ABCA10: variants seen among roughly 807,000 people sequenced by gnomAD.
ABCA10 encodes ATP-binding cassette sub-family A member 10.
A neutral mutation model predicts 187.5 loss-of-function variants in ABCA10; 169 were observed. The ratio of observed to expected loss-of-function variants is 0.90; its 90% CI spans 0.80 to 1.02. The LOEUF is 1.02. Among genes scored for constraint, ABCA10 ranks in the 50% least tolerant of loss-of-function variants. The probability of loss-of-function intolerance (pLI) is 0.00; values close to 1 mark genes in which losing one functional copy is unlikely to be tolerated. For missense variants in ABCA10, 1,727 were observed against 1,812.4 expected (o/e 0.95, Z 0.86); for synonymous variants, 574 against 601.8 (o/e 0.95, Z 0.68).
chr17:69,154,050 G>A (rs750541228), intron 31 of ABCA10, 41 bp from the exon 32 acceptor site: 3 of 1,593,794 alleles, frequency 1.9e-6, no homozygotes, highest in South Asian at 1.1e-5. Context: ...TTTGGTTTTT[G>A]CTCCAATCCC....
At chr17:69,177,973 A>ATATATATATATATATGTT (rs68149070) in intron 22 of ABCA10, among the ~76,000 whole-genome samples, 5 of 49,974 alleles carry the variant, frequency 1.0e-4, no homozygotes, top group Non-Finnish European at 2.2e-4. Context: ...AAAAAAAAAA[A>ATATATATATATATATGTT]ATATATATAT....
chr17:69,212,166 A>G (rs1221558225), intron 9 of ABCA10, among the ~76,000 whole-genome samples: 2 of 152,102 alleles, frequency 1.3e-5, no homozygotes, highest in African/African-American at 4.8e-5. Flanking sequence ...AGGGGTTTTG[A>G]TAAGTTGTGT....
intron 37 of ABCA10, among the ~76,000 whole-genome samples, chr17:69,149,609 C>T (rs917830374): frequency 1.3e-5 from 2 of 152,118 alleles, no homozygotes; most frequent in African/African-American, 4.8e-5. Flanking sequence ...GGTACCTTGG[C>T]TTTTAGAAAC....
At chr17:69,154,872 T>C (rs1427039995) in intron 30 of ABCA10, 147 bp downstream of exon 30, 3 of 545,712 alleles carry the variant, frequency 5.5e-6, no homozygotes, top group East Asian at 6.1e-5. Context: ...AAAAGACTTA[T>C]CTGCTGACAT....
chr17:69,160,434 C>T (rs1031833157), intron 27 of ABCA10, among the ~76,000 whole-genome samples: 4 of 151,948 alleles, frequency 2.6e-5, no homozygotes, highest in Non-Finnish European at 4.4e-5. Flanking sequence ...TGGTGAAACC[C>T]CCTCTCTACT....
chr17:69,202,759 G>A (rs1280647078), intron 9 of ABCA10, among the ~76,000 whole-genome samples: 2 of 134,846 alleles, frequency 1.5e-5, no homozygotes, highest in African/African-American at 5.8e-5. Flanking sequence ...AATTAAAAAT[G>A]GCTTGACAGT....
intron 11 of ABCA10, chr17:69,196,406 C>T (rs1415540233): frequency 1.1e-5 from 2 of 180,492 alleles, no homozygotes; most frequent in African/African-American, 2.4e-5. Flanking sequence ...TCCTCACATC[C>T]CAGATGATGG....
Position 69,152,011 on chromosome 17 carries a change from T to C in ABCA10, c.4397+32A>G, listed in dbSNP as rs201022108. 1.2e-4 allele frequency: 188 copies of C among 1,596,384 alleles called. No homozygotes were observed. The African/African-American group carries it at 2.0e-3, about 17-fold the overall frequency. On this transcript the variant is annotated intron_variant, in intron 36 of 38. Coordinates refer to ENST00000690296, the MANE Select transcript of ABCA10 (RefSeq NM_001377321.1). ...TGATGCTAATACTGGAAAACACTCA[T>C]ACTTGTCACTCAAACCGAAAACATC...
chr17:69,183,230 T>C (rs1357819308), intron 20 of ABCA10, among the ~76,000 whole-genome samples: 1 of 152,200 alleles, frequency 6.6e-6, no homozygotes, highest in Non-Finnish European at 1.5e-5. Context: ...CAACCTTAAA[T>C]GGCACTAACC....
chr17:69,165,679 T>C (rs922236939), intron 25 of ABCA10, among the ~76,000 whole-genome samples: 2 of 152,156 alleles, frequency 1.3e-5, no homozygotes, highest in African/African-American at 2.4e-5. Context: ...AAAATTCATA[T>C]GACATTCCAA....
intron 10 of ABCA10, among the ~76,000 whole-genome samples, chr17:69,198,627 G>A (rs1196101545): frequency 1.3e-5 from 2 of 152,104 alleles, no homozygotes; most frequent in Admixed American, 6.5e-5. Flanking sequence ...ATCAGGCTAA[G>A]GTCCTCAGTG....
chr17:69,179,483 T>C (rs1000660139), intron 22 of ABCA10, among the ~76,000 whole-genome samples: 1 of 152,134 alleles, frequency 6.6e-6, no homozygotes, highest in Non-Finnish European at 1.5e-5. Flanking sequence ...AAAAGATAAA[T>C]GTGTGTCATA....
At chr17:69,153,669 T>C in intron 32 of ABCA10, 123 bp from the exon 33 acceptor site, 1 of 1,449,214 alleles carries the variant, frequency 6.9e-7, no homozygotes, top group Non-Finnish European at 9.3e-7. Context: ...AACGTTTTCA[T>C]AAATGCTAAA....
chr17:69,155,419 T>C (rs1163806789), intron 29 of ABCA10, among the ~76,000 whole-genome samples: 1 of 152,232 alleles, frequency 6.6e-6, no homozygotes, highest in Non-Finnish European at 1.5e-5. Context: ...TTATTCCTTA[T>C]TGATTTCCAT....
chr17:69,151,712 G>A (rs1405382362), intron 36 of ABCA10, among the ~76,000 whole-genome samples: 2 of 152,178 alleles, frequency 1.3e-5, no homozygotes, highest in Admixed American at 6.5e-5. Flanking sequence ...GTAGGTGAAA[G>A]CATTGTTTTC....
chr17:69,191,165 C>A lies in ABCA10; in HGVS notation c.2011+11G>T. 1 of 1,582,292 alleles carries A rather than the reference C, an allele frequency of 6.3e-7. No individual in the cohort carries two copies. The highest frequency in any genetic ancestry group is 8.6e-7 in the Non-Finnish European group (1 of 1,162,836). ...CTTACATATATTCTATGTGATTACACAGTAAGTTACCTGGAAATTTGTTCG... is the reference window on the plus strand; with the variant it reads ...CTTACATATATTCTATGTGATTACAAAGTAAGTTACCTGGAAATTTGTTCG... On this transcript the variant is annotated intron_variant, in intron 17 of 38. Coordinates refer to ENST00000690296, the MANE Select transcript of ABCA10 (RefSeq NM_001377321.1).
At chr17:69,228,111 T>G (rs1041069977) in intron 1 of ABCA10, among the ~76,000 whole-genome samples, 3 of 152,074 alleles carry the variant, frequency 2.0e-5, no homozygotes, top group Non-Finnish European at 4.4e-5. Flanking sequence ...AAACCCAATA[T>G]AATCTCTAAA....
chr17:69,184,281 T>C (rs888795027), intron 20 of ABCA10, among the ~76,000 whole-genome samples: 1 of 152,056 alleles, frequency 6.6e-6, no homozygotes, highest in African/African-American at 2.4e-5. Context: ...ACATAATCTC[T>C]TGGAAGTTCT....
Position 69,153,358 on chromosome 17 carries a change from C to A in ABCA10, c.4083G>T (p.Val1361=). The change falls in exon 34 of 39, where the codon GTG becomes GTT. Residue 1361 remains valine (V), a synonymous_variant. Coordinates refer to ENST00000690296, the MANE Select transcript of ABCA10 (RefSeq NM_001377321.1). The stretch of plus-strand genomic sequence containing the variant: ...TCCCGGTGAACGGCTCATCTAGAAG[C>A]ACCACTGATGGGTTCCCCAGGATGC... ...VLSILGNPSV[V]LLDEPFTGMD... is the part of the protein sequence containing the mutation. The A allele has an allele frequency of 1.2e-6, 2 of 1,613,592 alleles. No individual in the cohort carries two copies. Among genetic ancestry groups the A allele is most frequent in the African/African-American group, 1.3e-5 (1 of 75,020 alleles).
Sources: allele counts gnomAD v4.1 joint callset (sites outside exome capture counted in the v4.1 genomes callset), GRCh38; gene constraint gnomAD v4.1.1; transcripts MANE v1.5; gene names NCBI Gene and HGNC (gene_info 2026-07-23, HGNC 2026-07-21).